The following NRG1 variants were observed in gnomAD, a reference collection of about 807,000 sequenced individuals.
The protein encoded by NRG1 is pro-neuregulin-1, membrane-bound isoform.
In NRG1, 18 loss-of-function variants were observed where a neutral mutation model predicts 63.8. That is an observed-to-expected ratio of 0.28 (90% CI 0.19 to 0.42). The LOEUF (loss-of-function observed/expected upper bound fraction) is 0.42, where lower values mean the gene tolerates loss of function less well. NRG1 is among the 10% of genes least tolerant of loss of function. NRG1 has a pLI of 1.00. For missense variants in NRG1, 762 were observed against 814.7 expected (o/e 0.94, Z 0.79); for synonymous variants, 302 against 301.3 (o/e 1.00, Z -0.02).
intron 1 of NRG1, among the ~76,000 whole-genome samples, chr8:32,287,743 A>C (rs1227327407): frequency 6.6e-6 from 1 of 152,180 alleles, no homozygotes; most frequent in Non-Finnish European, 1.5e-5. Context: ...CTAAGAATAC[A>C]ATCCACCGTA....
At position 32,444,309 on chromosome 8, in the gene NRG1, TTTTG is replaced by T. The variant is rs148301168; in HGVS notation, c.38-151503_38-151500del. ...AATTGTAGTTTTTTGTTTGGGGTGG[TTTTG>T]TTTGTTTGTTTGTTTTTGTAGAGAC... On this transcript the variant is annotated intron_variant, in intron 1 of 10. Transcript: ENST00000519301. Among the ~76,000 whole-genome samples the T allele has an allele frequency of 9.5e-3, 1,439 of 151,896 alleles. 20 individuals carry two copies. The highest frequency in any genetic ancestry group is 0.034 in the African/African-American group (1,395 of 41,426).
chr8:32,096,808 A>G (rs1829959648), intron 1 of NRG1, among the ~76,000 whole-genome samples: 1 of 152,206 alleles, frequency 6.6e-6, no homozygotes, highest in African/African-American at 2.4e-5. Flanking sequence ...TTTCACATCT[A>G]TGACCCAAAC....
At chr8:32,050,375 G>A (rs563537327) in intron 1 of NRG1, among the ~76,000 whole-genome samples, 36 of 152,218 alleles carry the variant, frequency 2.4e-4, no homozygotes, top group African/African-American at 7.7e-4. Flanking sequence ...TCCACTGAAC[G>A]TGGTGTTCTG....
intron 1 of NRG1, among the ~76,000 whole-genome samples, chr8:32,253,105 T>C (rs1461342783): frequency 2.0e-5 from 3 of 152,168 alleles, no homozygotes; most frequent in Non-Finnish European, 2.9e-5. Flanking sequence ...GCTGAGAAGA[T>C]GGGGTTTTCT....
intron 1 of NRG1, among the ~76,000 whole-genome samples, chr8:32,205,307 A>G (rs529205984): frequency 6.6e-6 from 1 of 152,152 alleles, no homozygotes; most frequent in Non-Finnish European, 1.5e-5. Flanking sequence ...TCTCTTCAAT[A>G]ATTAGAACGT....
chr8:32,069,741 A>G (rs1490208087), intron 1 of NRG1, among the ~76,000 whole-genome samples: 1 of 152,116 alleles, frequency 6.6e-6, no homozygotes, highest in Non-Finnish European at 1.5e-5. Context: ...AAGCAAGGGT[A>G]CCAAAACCTT....
At chr8:32,427,981 A>C (rs1817615915) in intron 1 of NRG1, among the ~76,000 whole-genome samples, 1 of 152,204 alleles carries the variant, frequency 6.6e-6, no homozygotes, top group African/African-American at 2.4e-5. Context: ...CAACAACGGA[A>C]GTTTATTTTC....
At chr8:32,393,586 C>G (rs1440201514) in intron 1 of NRG1, among the ~76,000 whole-genome samples, 1 of 152,154 alleles carries the variant, frequency 6.6e-6, no homozygotes, top group Non-Finnish European at 1.5e-5. Context: ...TTTACAGGAA[C>G]ATGGATGGAG....
chr8:32,707,259 C>A (rs1816668574), intron 5 of NRG1, among the ~76,000 whole-genome samples: 1 of 151,936 alleles, frequency 6.6e-6, no homozygotes, highest in African/African-American at 2.4e-5. Context: ...ATAATAACAA[C>A]ACCTTAGTAG....
intron 1 of NRG1, among the ~76,000 whole-genome samples, chr8:32,462,239 G>T (rs1480715590): frequency 6.6e-6 from 1 of 152,206 alleles, no homozygotes; most frequent in East Asian, 1.9e-4. Context: ...TAGTAAAGTT[G>T]TGGGGAGTGG....
intron 1 of NRG1, among the ~76,000 whole-genome samples, chr8:32,371,992 AT>A (rs60780562): frequency 0.12 from 15,388 of 129,340 alleles, 1,343 homozygotes; most frequent in East Asian, 0.56. Context: ...CTTCTTCTTC[AT>A]TTTTTTTTTT....
chr8:32,758,722 G>A (rs890822842), intron 9 of NRG1, among the ~76,000 whole-genome samples: 1 of 151,808 alleles, frequency 6.6e-6, no homozygotes, highest in Admixed American at 6.6e-5. Flanking sequence ...CAATTGTTAA[G>A]TCCCTTATCA....
rs79082709 is a variant in NRG1, at chr8:32,112,617, C to T, written c.37+473186C>T. On this transcript the variant is annotated intron_variant, in intron 1 of 10. Transcript: ENST00000519301. ...GGAGAAATCCTATTTGCATCCTTTCCACTGCTCTTAACAAGCCCCTAAAGG... is the reference window on the plus strand; with the variant it reads ...GGAGAAATCCTATTTGCATCCTTTCTACTGCTCTTAACAAGCCCCTAAAGG... Among the ~76,000 whole-genome samples the T allele has an allele frequency of 5.9e-3, 905 of 152,270 alleles. 17 individuals are homozygous for T. The highest frequency in any genetic ancestry group is 3.0e-3 in the Non-Finnish European group (205 of 68,012).
At chr8:32,613,481 T>A (rs1189640574) in intron 3 of NRG1, among the ~76,000 whole-genome samples, 1 of 152,040 alleles carries the variant, frequency 6.6e-6, no homozygotes, top group East Asian at 1.9e-4. Flanking sequence ...GCCATATCTG[T>A]ATTTAAAGAT....
chr8:32,171,385 T>G (rs1381159504), intron 1 of NRG1: 1 of 152,174 alleles, frequency 6.6e-6, no homozygotes, highest in Non-Finnish European at 1.5e-5. Context: ...GATGGCCGAA[T>G]AGGAAGAGCT....
At chr8:31,743,135 T>A (rs915701764) in intron 1 of NRG1, among the ~76,000 whole-genome samples, 4 of 152,010 alleles carry the variant, frequency 2.6e-5, no homozygotes, top group Non-Finnish European at 4.4e-5. Flanking sequence ...ATTGTAAATG[T>A]GCCTTCTTGC....
chr8:32,108,551 C>A (rs1462846495), intron 1 of NRG1, among the ~76,000 whole-genome samples: 2 of 151,936 alleles, frequency 1.3e-5, no homozygotes, highest in African/African-American at 2.4e-5. Context: ...GTTGGCAACA[C>A]CTGAATTTAA....
chr8:31,844,089 C>T (rs1826448936), intron 1 of NRG1, among the ~76,000 whole-genome samples: 1 of 152,166 alleles, frequency 6.6e-6, no homozygotes, highest in African/African-American at 2.4e-5. Flanking sequence ...CACTTAGGCA[C>T]AAAGAGATTA....
At chr8:31,903,097 G>A (rs113601634) in intron 1 of NRG1, among the ~76,000 whole-genome samples, 54 of 150,794 alleles carry the variant, frequency 3.6e-4, no homozygotes, top group African/African-American at 1.2e-3. Context: ...AGCATCAATT[G>A]CAAAATGTGA....
Sources: allele counts gnomAD v4.1 joint callset (sites outside exome capture counted in the v4.1 genomes callset), GRCh38; gene constraint gnomAD v4.1.1; transcripts MANE v1.5; gene names NCBI Gene and HGNC (gene_info 2026-07-23, HGNC 2026-07-21).